The following ASIC2 variants were observed in gnomAD, a reference collection of about 807,000 sequenced individuals.
ASIC2 encodes acid-sensing ion channel 2.
ASIC2 carries 25 observed loss-of-function variants against 57.3 expected under a neutral mutation model. The ratio of observed to expected loss-of-function variants is 0.44; its 90% CI spans 0.32 to 0.61. The LOEUF (loss-of-function observed/expected upper bound fraction) is 0.61, where lower values mean the gene tolerates loss of function less well. Among genes scored for constraint, ASIC2 ranks in the 20% least tolerant of loss-of-function variants. ASIC2 has a pLI of 0.06. For missense variants in ASIC2, 641 were observed against 738.1 expected (o/e 0.87, Z 1.52); for synonymous variants, 319 against 307.5 (o/e 1.04, Z -0.39).
chr17:34,039,528 G>C, intron 1 of ASIC2: 1 of 1,613,518 alleles, frequency 6.2e-7, no homozygotes, highest in South Asian at 1.1e-5. Context: ...GATTGGATAA[G>C]GAATGTTGCA....
chr17:33,106,771 A>G (rs1038129007), intron 2 of ASIC2, among the ~76,000 whole-genome samples: 22 of 152,156 alleles, frequency 1.4e-4, no homozygotes, highest in Admixed American at 6.5e-5. Context: ...TCCCCTAAAC[A>G]GGACGTCTGT....
At chr17:33,060,836 T>C (rs936020789) in intron 3 of ASIC2, among the ~76,000 whole-genome samples, 10 of 152,204 alleles carry the variant, frequency 6.6e-5, no homozygotes, top group Non-Finnish European at 1.0e-4. Flanking sequence ...TTTTATTTCA[T>C]TGAGCAGTGG....
At chr17:33,087,456 C>T (rs1253488125) in intron 3 of ASIC2, among the ~76,000 whole-genome samples, 1 of 152,068 alleles carries the variant, frequency 6.6e-6, no homozygotes, top group Non-Finnish European at 1.5e-5. Context: ...GAAGGTTGAC[C>T]TTGGACTTCA....
chr17:33,584,141 TA>T (rs1335611592), intron 1 of ASIC2, among the ~76,000 whole-genome samples: 1 of 152,244 alleles, frequency 6.6e-6, no homozygotes, highest in East Asian at 1.9e-4. Flanking sequence ...CTCTAGGTCA[TA>T]AACACTGGAT....
chr17:33,230,944 G>T (rs1908068000), intron 1 of ASIC2, among the ~76,000 whole-genome samples: 1 of 152,312 alleles, frequency 6.6e-6, no homozygotes, highest in South Asian at 2.1e-4. Flanking sequence ...ATTGATTTGT[G>T]AATGACTTTG....
At chr17:33,447,384 T>C (rs921248647) in intron 1 of ASIC2, among the ~76,000 whole-genome samples, 1 of 152,190 alleles carries the variant, frequency 6.6e-6, no homozygotes, top group African/African-American at 2.4e-5. Flanking sequence ...AAAGGGGGTG[T>C]TCTTATGAGG....
chr17:33,799,363 TTTC>T (rs1219357477), intron 1 of ASIC2, among the ~76,000 whole-genome samples: 2 of 130,038 alleles, frequency 1.5e-5, no homozygotes, highest in South Asian at 2.3e-4. Context: ...TCTTTCTTTC[TTTC>T]TTTCTTTCTT....
At chr17:33,076,800 T>C (rs1221720633) in intron 3 of ASIC2, among the ~76,000 whole-genome samples, 1 of 152,218 alleles carries the variant, frequency 6.6e-6, no homozygotes, top group Non-Finnish European at 1.5e-5. Context: ...TGCATAGGCA[T>C]CTTCCCTCCT....
At chr17:33,394,179 A>G (rs1251421751) in intron 1 of ASIC2, among the ~76,000 whole-genome samples, 1 of 152,234 alleles carries the variant, frequency 6.6e-6, no homozygotes, top group Non-Finnish European at 1.5e-5. Flanking sequence ...GGCTATAAGT[A>G]AAAATGGAAA....
intron 1 of ASIC2, among the ~76,000 whole-genome samples, chr17:33,851,467 T>A (rs7216973): frequency 0.019 from 2,908 of 152,276 alleles, 101 homozygotes; most frequent in African/African-American, 0.067. Context: ...AGTTCTCTTG[T>A]CAAACTCAGT....
intron 1 of ASIC2, among the ~76,000 whole-genome samples, chr17:34,007,593 C>T (rs1425304835): frequency 6.6e-6 from 1 of 152,202 alleles, no homozygotes; most frequent in East Asian, 1.9e-4. Flanking sequence ...AATGACTTGC[C>T]TGATATCACA....
At chr17:33,828,877 A>C (rs1170947717) in intron 1 of ASIC2, among the ~76,000 whole-genome samples, 1 of 152,222 alleles carries the variant, frequency 6.6e-6, no homozygotes, top group African/African-American at 2.4e-5. Context: ...TGCTAAAAGA[A>C]AGGAAGGCTT....
chr17:33,365,743 CT>C (rs1006461727), intron 1 of ASIC2, among the ~76,000 whole-genome samples: 1 of 152,142 alleles, frequency 6.6e-6, no homozygotes, highest in African/African-American at 2.4e-5. Flanking sequence ...ACTTTATCCC[CT>C]TTTTATTTCA....
chr17:33,148,499 G>T (rs971620745), intron 1 of ASIC2, among the ~76,000 whole-genome samples: 1 of 152,208 alleles, frequency 6.6e-6, no homozygotes, highest in Non-Finnish European at 1.5e-5. Flanking sequence ...AGTGCACAGT[G>T]ACTAAGATCC....
intron 1 of ASIC2, among the ~76,000 whole-genome samples, chr17:33,390,752 G>A (rs1436255290): frequency 6.6e-6 from 1 of 152,226 alleles, no homozygotes; most frequent in African/African-American, 2.4e-5. Flanking sequence ...ATGCGTCAGA[G>A]CGCACGGGAC....
intron 1 of ASIC2, among the ~76,000 whole-genome samples, chr17:33,325,666 T>G (rs1890505843): frequency 6.6e-6 from 1 of 152,116 alleles, no homozygotes; most frequent in African/African-American, 2.4e-5. Context: ...TTAAAAAGGT[T>G]ACTCTGACCT....
At chr17:33,969,754 T>C (rs2141997393) in intron 1 of ASIC2, among the ~76,000 whole-genome samples, 1 of 152,258 alleles carries the variant, frequency 6.6e-6, no homozygotes, top group East Asian at 1.9e-4. Context: ...TCTGTCCTGC[T>C]TGTGGGCTGA....
intron 1 of ASIC2, among the ~76,000 whole-genome samples, chr17:33,240,481 A>C (rs1051136988): frequency 9.2e-5 from 14 of 152,152 alleles, no homozygotes; most frequent in Admixed American, 1.3e-4. Context: ...GAGATGGGAG[A>C]TGCTTGGATG....
At chr17:34,152,548 C>T (rs963966658) in intron 1 of ASIC2, among the ~76,000 whole-genome samples, 1 of 152,206 alleles carries the variant, frequency 6.6e-6, no homozygotes, top group African/African-American at 2.4e-5. Flanking sequence ...CATAGCTTTA[C>T]TCATCAGGTC....
Sources: allele counts gnomAD v4.1 joint callset (sites outside exome capture counted in the v4.1 genomes callset), GRCh38; gene constraint gnomAD v4.1.1; transcripts MANE v1.5; gene names NCBI Gene and HGNC (gene_info 2026-07-23, HGNC 2026-07-21).